Variants in LRP10 observed in about 807,000 individuals in gnomAD.
The protein encoded by LRP10 is low-density lipoprotein receptor-related protein 10.
In LRP10, 42 loss-of-function variants were observed where a neutral mutation model predicts 58.5. The ratio of observed to expected loss-of-function variants is 0.72; its 90% CI spans 0.56 to 0.93. The LOEUF is 0.93. LRP10 is among the 40% of genes least tolerant of loss of function. LRP10 has a pLI of 0.00. For synonymous variants in LRP10, 377 were observed against 388.5 expected, an observed-to-expected ratio of 0.97 and a Z score of 0.35; for missense variants, 872 against 940.1, an observed-to-expected ratio of 0.93 and a Z score of 0.95.
Position 22,879,987 on chromosome 14 carries a change from A to T in LRP10, c.*2460A>T, listed in dbSNP as rs1595033610. 2 of 152,078 alleles carry T rather than the reference A, an allele frequency of 1.3e-5. No individual in the cohort carries two copies. The highest frequency in any genetic ancestry group is 1.3e-4 in the Admixed American group (2 of 15,266). 9.4% of individuals were successfully genotyped at this position (152,078 alleles called of 1,614,324 possible). On this transcript the variant is annotated 3_prime_UTR_variant, in exon 7 of 7. Coordinates refer to ENST00000359591, the MANE Select transcript of LRP10 (RefSeq NM_014045.5). ...AGGTGCTTGGTCTTAGCGGTGTGGG[A>T]CCCACGTTAAGGCTCTTGGTGGGAA...
Sources: gnomAD v4.1 joint callset for allele counts on GRCh38, gnomAD v4.1.1 for gene constraint, MANE v1.5 for transcripts, NCBI Gene and HGNC (gene_info 2026-07-23, HGNC 2026-07-21) for gene names.